Variants in JMJD1C observed in about 807,000 individuals in gnomAD.
The protein encoded by JMJD1C is jumonji domain containing 1C, also known as jumonji domain-containing protein 1C.
JMJD1C carries 31 observed loss-of-function variants against 245.3 expected under a neutral mutation model. The observed-to-expected ratio is 0.13, with a 90% CI of 0.09 to 0.17. The LOEUF (loss-of-function observed/expected upper bound fraction) is 0.17. Among genes scored for constraint, JMJD1C ranks in the 10% least tolerant of loss-of-function variants. The pLI is 1.00. For synonymous variants in JMJD1C, 1,057 were observed against 1,017.4 expected (o/e 1.04, Z -0.74); for missense variants, 2,691 against 3,000.2 (o/e 0.90, Z 2.41).
intron 3 of JMJD1C, among the ~76,000 whole-genome samples, chr10:63,246,067 C>A: frequency 6.6e-6 from 1 of 151,864 alleles, no homozygotes; most frequent in Admixed American, 6.6e-5. Flanking sequence ...ATGAAGATAA[C>A]CTAAAAGACA....
chr10:63,349,100 C>CAA (rs71463516), intron 2 of JMJD1C, among the ~76,000 whole-genome samples: 8,051 of 34,768 alleles, frequency 0.23, 2,673 homozygotes, highest in Non-Finnish European at 0.28. Flanking sequence ...GACTCTGTCT[C>CAA]AAAAAAAAAA....
chr10:63,496,036 A>T (rs1333038672), intron 1 of JMJD1C, among the ~76,000 whole-genome samples: 3 of 144,052 alleles, frequency 2.1e-5, no homozygotes, highest in African/African-American at 5.0e-5. Context: ...CAATTGCACT[A>T]AAAAAAAAAA....
intron 1 of JMJD1C, among the ~76,000 whole-genome samples, chr10:63,434,077 T>C (rs1465005233): frequency 6.6e-6 from 1 of 152,156 alleles, no homozygotes; most frequent in Non-Finnish European, 1.5e-5. Context: ...AAAATCTAAA[T>C]TGTCATATAA....
At chr10:63,423,403 T>C (rs1169108823) in intron 1 of JMJD1C, among the ~76,000 whole-genome samples, 1 of 152,222 alleles carries the variant, frequency 6.6e-6, no homozygotes, top group Non-Finnish European at 1.5e-5. Flanking sequence ...AGTGGAATAA[T>C]ATATCTGTCC....
chr10:63,519,495 C>T (rs1344247447), intron 1 of JMJD1C, among the ~76,000 whole-genome samples: 1 of 152,140 alleles, frequency 6.6e-6, no homozygotes, highest in African/African-American at 2.4e-5. Flanking sequence ...AGTTGGAAAA[C>T]ACAAAGAAAT....
At chr10:63,203,662 G>A in intron 10 of JMJD1C, 1 of 982,276 alleles carries the variant, frequency 1.0e-6, no homozygotes, top group African/African-American at 1.7e-5. Context: ...AAAAGCGGCT[G>A]ACTTTTAATT....
At chr10:63,422,951 C>T (rs1034008125) in intron 1 of JMJD1C, among the ~76,000 whole-genome samples, 1 of 148,234 alleles carries the variant, frequency 6.7e-6, no homozygotes, top group Non-Finnish European at 1.5e-5. Context: ...GCCACTGTTA[C>T]CAAAACTTTT....
intron 1 of JMJD1C, among the ~76,000 whole-genome samples, chr10:63,383,174 T>G (rs1164585543): frequency 6.6e-6 from 1 of 151,566 alleles, no homozygotes; most frequent in Non-Finnish European, 1.5e-5. Flanking sequence ...AGGTTAAGTT[T>G]GATTTGGTGG....
At chr10:63,185,895 T>A (rs1325059535) in intron 19 of JMJD1C, among the ~76,000 whole-genome samples, 3 of 152,196 alleles carry the variant, frequency 2.0e-5, no homozygotes, top group Non-Finnish European at 2.9e-5. Context: ...TTTTTAAAAA[T>A]CTTGGTAACA....
rs36038855 is a variant in JMJD1C at position 63,305,629 on chromosome 10, CGTGTGTGTGTGTGTGTGTGTGTGT to C, written c.334-40889_334-40866del. On this transcript the variant is annotated intron_variant, in intron 2 of 25. Transcript: ENST00000399262. The stretch of plus-strand genomic sequence containing the variant: ...CTACGGGCAAGCACCACCATGCTGG[CGTGTGTGTGTGTGTGTGTGTGTGT>C]GTGTGTGTGTGTGTGTGTGTGTGTG... Among the ~76,000 whole-genome samples, 170 of 121,774 alleles carry C rather than the reference CGTGTGTGTGTGTGTGTGTGTGTGT, an allele frequency of 1.4e-3. 1 individual carries two copies. Among genetic ancestry groups the C allele is most frequent in the Admixed American group, 5.0e-3 (56 of 11,270 alleles). 79.9% of individuals were successfully genotyped at this position (121,774 alleles called of 152,430 possible).
chr10:63,433,914 A>G (rs1950921581), intron 1 of JMJD1C, among the ~76,000 whole-genome samples: 1 of 151,762 alleles, frequency 6.6e-6, no homozygotes, highest in Admixed American at 6.6e-5. Context: ...AAAAAAAAAA[A>G]AAGGGAAAAT....
Position 63,168,035 on chromosome 10 carries a change from T to G in JMJD1C, c.*10A>C. 6.7e-7 allele frequency: 1 copy of G among 1,486,752 alleles called. No individual in the cohort carries two copies. 92.1% of individuals were successfully genotyped at this position (1,486,752 alleles called of 1,614,324 possible). A position where few individuals can be genotyped will look rare whatever the true frequency, so the allele number is the denominator to read the frequency against. On this transcript the variant is annotated 3_prime_UTR_variant, in exon 26 of 26. Coordinates refer to ENST00000399262, the MANE Select transcript of JMJD1C (RefSeq NM_032776.3). ...GTTCAACAACCTAAAAATATCAAAC[T>G]GGATCACACTTAATTTTCTTCCATA...
chr10:63,444,040 G>A (rs890726413), intron 1 of JMJD1C, among the ~76,000 whole-genome samples: 5 of 152,176 alleles, frequency 3.3e-5, no homozygotes, highest in Non-Finnish European at 7.3e-5. Flanking sequence ...TAAATGCTAT[G>A]TTAGCCTACA....
intron 2 of JMJD1C, among the ~76,000 whole-genome samples, chr10:63,360,661 A>G (rs1270478326): frequency 1.3e-5 from 2 of 152,244 alleles, no homozygotes; most frequent in Non-Finnish European, 2.9e-5. Context: ...ATAGGCAGGT[A>G]GACAGTTTTT....
intron 1 of JMJD1C, among the ~76,000 whole-genome samples, chr10:63,410,110 G>A (rs1949397037): frequency 1.3e-5 from 2 of 152,096 alleles, no homozygotes; most frequent in African/African-American, 4.8e-5. Context: ...AAGCACTGTC[G>A]AATATCTATC....
At chr10:63,390,371 G>A (rs1790849177) in intron 1 of JMJD1C, among the ~76,000 whole-genome samples, 3 of 151,974 alleles carry the variant, frequency 2.0e-5, no homozygotes, top group Admixed American at 2.0e-4. Context: ...AAGTAATGAG[G>A]TAAAATTAGT....
chr10:63,380,492 C>CA lies in JMJD1C; in HGVS notation c.169-11dup. 2 of 1,595,088 alleles carry CA rather than the reference C, an allele frequency of 1.3e-6. No individual in the cohort carries two copies. The highest frequency in any genetic ancestry group is 4.5e-5 in the East Asian group (2 of 44,652). On this transcript the variant is annotated splice_polypyrimidine_tract_variant and intron_variant, in intron 1 of 25. Coordinates refer to ENST00000399262, the MANE Select transcript of JMJD1C (RefSeq NM_032776.3). Reference sequence around the variant, plus strand: ...CAAATTCCACATACACCTATGAAAACAAAAACACAAAATTCAATTAGCAAA... The same window carrying CA: ...CAAATTCCACATACACCTATGAAAACAAAAAACACAAAATTCAATTAGCAAA...
chr10:63,443,968 G>A (rs973481650), intron 1 of JMJD1C, among the ~76,000 whole-genome samples: 6 of 152,212 alleles, frequency 3.9e-5, no homozygotes, highest in Non-Finnish European at 7.4e-5. Context: ...TGAATCAACC[G>A]CTGAATATTC....
chr10:63,340,521 G>C (rs946229254), intron 2 of JMJD1C, among the ~76,000 whole-genome samples: 1 of 152,200 alleles, frequency 6.6e-6, no homozygotes, highest in Non-Finnish European at 1.5e-5. Context: ...ATTAAAAAGA[G>C]AGAAGGCATT....
Sources: allele counts gnomAD v4.1 joint callset (sites outside exome capture counted in the v4.1 genomes callset), GRCh38; gene constraint gnomAD v4.1.1; transcripts MANE v1.5; gene names NCBI Gene and HGNC (gene_info 2026-07-23, HGNC 2026-07-21).